The following ITGA11 variants were observed in gnomAD, a reference collection of about 807,000 sequenced individuals.
ITGA11 encodes the protein integrin alpha-11.
ITGA11 carries 97 observed loss-of-function variants against 141.9 expected under a neutral mutation model. That is an observed-to-expected ratio of 0.68 (90% CI 0.58 to 0.81). The LOEUF (loss-of-function observed/expected upper bound fraction) is 0.81, where lower values mean the gene tolerates loss of function less well. ITGA11 is among the 30% of genes least tolerant of loss of function. The pLI is 0.00. For synonymous variants in ITGA11, 658 were observed against 624.6 expected, an observed-to-expected ratio of 1.05 and a Z score of -0.80; for missense variants, 1,387 against 1,559.2, an observed-to-expected ratio of 0.89 and a Z score of 1.86.
At chr15:68,389,115 C>T (rs188846445) in intron 2 of ITGA11, among the ~76,000 whole-genome samples, 1 of 152,336 alleles carries the variant, frequency 6.6e-6, no homozygotes, top group East Asian at 1.9e-4. Flanking sequence ...CATGTGTACT[C>T]TGAACATTGG....
chr15:68,330,861 G>A (rs1161192469), intron 15 of ITGA11, 120 bp downstream of exon 15: 1 of 1,071,184 alleles, frequency 9.3e-7, no homozygotes, highest in Admixed American at 2.3e-5. Flanking sequence ...AGAACAGGGT[G>A]GGTCTAGCTG....
rs770853774 is a variant in ITGA11, at chr15:68,299,074, A to G, written c.*3985T>C. 2 of 152,208 alleles carry G rather than the reference A, an allele frequency of 1.3e-5. No individual in the cohort carries two copies. The highest frequency in any genetic ancestry group is 1.9e-4 in the East Asian group (1 of 5,186). 9.4% of individuals were successfully genotyped at this position (152,208 alleles called of 1,614,324 possible). ...CATGCAAAGCTGATTAGAAAGGGTA[A>G]GTCCCTCAAGGATAGTGCCCATCCT... On this transcript the variant is annotated 3_prime_UTR_variant, in exon 30 of 30. Coordinates refer to ENST00000315757, the MANE Select transcript of ITGA11 (RefSeq NM_001004439.2).
At chr15:68,400,861 A>T (rs1442027978) in intron 2 of ITGA11, among the ~76,000 whole-genome samples, 12 of 5,438 alleles carry the variant, frequency 2.2e-3, no homozygotes, top group African/African-American at 0.01. Context: ...TATATAATAA[A>T]TATAATATTA....
rs867944823 is a variant in ITGA11, at chr15:68,397,474, A to T, written c.164+5444T>A. ...AATATAAAATTATTAATATTTTAAA[A>T]ATATTATAAAATATTTTAAAATAAA... On this transcript the variant is annotated intron_variant, in intron 2 of 29. Coordinates refer to ENST00000315757, the MANE Select transcript of ITGA11 (RefSeq NM_001004439.2). 4.8e-3 allele frequency among the ~76,000 whole-genome samples: 446 copies of T among 93,496 alleles called. 25 individuals are homozygous for T. Among genetic ancestry groups the T allele is most frequent in the African/African-American group, 0.014 (286 of 20,074 alleles). 61.3% of individuals were successfully genotyped at this position (93,496 alleles called of 152,430 possible).
At chr15:68,316,339 C>T (rs1893575434) in intron 21 of ITGA11, among the ~76,000 whole-genome samples, 1 of 152,234 alleles carries the variant, frequency 6.6e-6, no homozygotes, top group African/African-American at 2.4e-5. Flanking sequence ...ATGCGACCCT[C>T]CTCGCCTCCT....
rs1490470548 is a variant in ITGA11 at position 68,311,005 on chromosome 15, C to T, written c.3163G>A (p.Ala1055Thr). The T allele has an allele frequency of 6.2e-7, 1 of 1,602,106 alleles. No homozygotes were observed. The highest frequency in any genetic ancestry group is 2.3e-5 in the East Asian group (1 of 44,386). The change falls in exon 26 of 30, where the codon GCT (alanine) becomes ACT (threonine). Residue 1055 changes from alanine to threonine, a missense_variant. Coordinates refer to ENST00000315757, the MANE Select transcript of ITGA11 (RefSeq NM_001004439.2). ...TGGGGGACACTCACCAGCTGTGGAGCACGACGCAAGTCTTCCTCCACTGGG... is the reference window on the plus strand; with the variant it reads ...TGGGGGACACTCACCAGCTGTGGAGTACGACGCAAGTCTTCCTCCACTGGG... Reference protein sequence around the residue: ...PTPVEEDLRRAPQLNHSNSDV... With the variant: ...PTPVEEDLRRTPQLNHSNSDV...
chr15:68,377,633 C>T (rs887289592), intron 2 of ITGA11, among the ~76,000 whole-genome samples: 1 of 152,214 alleles, frequency 6.6e-6, no homozygotes, highest in Non-Finnish European at 1.5e-5. Context: ...TAGGAAACTA[C>T]TATAGCAGCA....
At chr15:68,385,448 C>A (rs1333713968) in intron 2 of ITGA11, among the ~76,000 whole-genome samples, 1 of 152,254 alleles carries the variant, frequency 6.6e-6, no homozygotes, top group African/African-American at 2.4e-5. Context: ...TGTGGATTTA[C>A]TCTTCAGGGA....
chr15:68,419,734 G>A (rs1412974565), intron 1 of ITGA11, among the ~76,000 whole-genome samples: 2 of 152,212 alleles, frequency 1.3e-5, no homozygotes, highest in Admixed American at 6.5e-5. Context: ...GTCTTGAGAG[G>A]TTTGGATTCT....
rs186193832 is a variant in ITGA11 at position 68,385,264 on chromosome 15, C to T, written c.165-15980G>A. 9.8e-5 allele frequency among the ~76,000 whole-genome samples: 15 copies of T among 152,304 alleles called. No individual in the cohort carries two copies. In the East Asian group the frequency reaches 2.3e-3, roughly 24 times the overall value. ...ATTCTCCCTGTAGTGAGGAGCTACTCGGACATGCCTTTGCTGCCTCTGCTG... is the reference window on the plus strand; with the variant it reads ...ATTCTCCCTGTAGTGAGGAGCTACTTGGACATGCCTTTGCTGCCTCTGCTG... On this transcript the variant is annotated intron_variant, in intron 2 of 29. Transcript: ENST00000315757.
chr15:68,371,505 G>C (rs1486768589), intron 2 of ITGA11, among the ~76,000 whole-genome samples: 1 of 152,160 alleles, frequency 6.6e-6, no homozygotes, highest in Non-Finnish European at 1.5e-5. Flanking sequence ...CTGAAGTCAG[G>C]AGTTCAAGAC....
Position 68,303,008 on chromosome 15 carries a change from T to G in ITGA11, c.*51A>C. On this transcript the variant is annotated 3_prime_UTR_variant, in exon 30 of 30. Transcript: ENST00000315757. This position sits in a 1 kb window ranked among gnomAD's most constrained non-coding sequence, Gnocchi z 5.3. Reference sequence around the variant, plus strand: ...GGGCCACAGGCCTGGGTCTCAACACTACCTGGACTGGTGTCCTGGCCCCCA... The same window carrying G: ...GGGCCACAGGCCTGGGTCTCAACACGACCTGGACTGGTGTCCTGGCCCCCA... 1 of 1,452,694 alleles carries G rather than the reference T, an allele frequency of 6.9e-7. No homozygotes were observed. The highest frequency in any genetic ancestry group is 1.2e-5 in the South Asian group (1 of 81,020). The allele number at this position is 1,452,694 out of a possible 1,614,324, so 90.0% of individuals were successfully genotyped here. A position where few individuals can be genotyped will look rare whatever the true frequency, so the allele number is the denominator to read the frequency against.
intron 2 of ITGA11, among the ~76,000 whole-genome samples, chr15:68,376,566 G>A (rs1038248061): frequency 2.6e-5 from 4 of 152,252 alleles, no homozygotes; most frequent in African/African-American, 9.6e-5. Context: ...ATGAGCTGGT[G>A]AATCACCTGG....
intron 2 of ITGA11, among the ~76,000 whole-genome samples, chr15:68,400,853 TATAATAA>T: frequency 1.2e-5 from 1 of 80,306 alleles, no homozygotes; most frequent in Non-Finnish European, 2.2e-5. Flanking sequence ...TTATATATTA[TATAATAA>T]ATATAATATT....
chr15:68,397,765 TTATATTTAAAA>T (rs1397289942), intron 2 of ITGA11, among the ~76,000 whole-genome samples: 2 of 52,054 alleles, frequency 3.8e-5, no homozygotes, highest in Admixed American at 2.3e-4. Context: ...ATTTAAAATA[TTATATTTAAAA>T]TATATTTAAA....
chr15:68,324,442 C>T lies in ITGA11; in HGVS notation c.2322+689G>A, dbSNP rs1261273934. Among the ~76,000 whole-genome samples the T allele has an allele frequency of 1.3e-5, 2 of 152,182 alleles. No individual in the cohort carries two copies. The highest frequency in any genetic ancestry group is 4.8e-5 in the African/African-American group (2 of 41,438). Reference sequence around the variant, plus strand: ...AGTTGTTTCCCAAATCCTCAAGGTTCAGGCATTAGCTATTCCATTTTATAA... The same window carrying T: ...AGTTGTTTCCCAAATCCTCAAGGTTTAGGCATTAGCTATTCCATTTTATAA... On this transcript the variant is annotated intron_variant, in intron 18 of 29. Transcript: ENST00000315757. The surrounding 1 kb of genome is among the most constrained non-coding windows in gnomAD (Gnocchi z 6.3).
At chr15:68,390,273 C>G (rs62001430) in intron 2 of ITGA11, among the ~76,000 whole-genome samples, 1 of 151,856 alleles carries the variant, frequency 6.6e-6, no homozygotes, top group Non-Finnish European at 1.5e-5. Context: ...CAGGTCTGCC[C>G]TCTTATCCTC....
intron 1 of ITGA11, 34 bp downstream of exon 1, chr15:68,431,981 G>C: frequency 3.1e-6 from 4 of 1,285,006 alleles, no homozygotes; most frequent in Non-Finnish European, 4.0e-6. Flanking sequence ...GAGGGACTCC[G>C]AGAGGCAAGG....
At chr15:68,346,259 C>T (rs1894739511) in intron 10 of ITGA11, among the ~76,000 whole-genome samples, 1 of 152,130 alleles carries the variant, frequency 6.6e-6, no homozygotes, top group Non-Finnish European at 1.5e-5. Context: ...CTGTGAGCTC[C>T]TGGGTCTCCT....
Sources: gnomAD v4.1 joint callset for allele counts (sites outside exome capture counted in the v4.1 genomes callset) on GRCh38, gnomAD v4.1.1 for gene constraint, Gnocchi (gnomAD v3.1) non-coding constraint, MANE v1.5 for transcripts, NCBI Gene and HGNC (gene_info 2026-07-23, HGNC 2026-07-21) for gene names.